Variants in TMCC3 observed in about 807,000 individuals in gnomAD.
TMCC3 encodes transmembrane and coiled-coil domain family 3.
A neutral mutation model predicts 40.2 loss-of-function variants in TMCC3; 28 were observed. The observed-to-expected ratio is 0.70, with a 90% CI of 0.52 to 0.95. The LOEUF (loss-of-function observed/expected upper bound fraction) is 0.95. TMCC3 is among the 40% of genes least tolerant of loss of function. The pLI, the probability that TMCC3 is intolerant of heterozygous loss-of-function variation, is 0.00. For synonymous variants in TMCC3, 255 were observed against 248.5 expected (o/e 1.03, Z -0.25); for missense variants, 554 against 615.2 (o/e 0.90, Z 1.05).
intron 1 of TMCC3, among the ~76,000 whole-genome samples, chr12:94,617,888 G>C (rs572143780): frequency 6.6e-6 from 1 of 152,182 alleles, no homozygotes; most frequent in Non-Finnish European, 1.5e-5. Flanking sequence ...ATATTTAAGA[G>C]GAAGAGTGTC....
At chr12:94,584,948 C>A (rs1021442361) in intron 1 of TMCC3, among the ~76,000 whole-genome samples, 2 of 152,022 alleles carry the variant, frequency 1.3e-5, no homozygotes, top group African/African-American at 2.4e-5. Context: ...AATCTAGTAT[C>A]TGTGGCTCAT....
At position 94,582,340 on chromosome 12, in the gene TMCC3, C is replaced by T. The variant is rs2068609215; in HGVS notation, c.277G>A (p.Val93Ile). 6 of 1,613,922 alleles carry T rather than the reference C, an allele frequency of 3.7e-6. No individual in the cohort carries two copies. The highest frequency in any genetic ancestry group is 1.3e-5 in the African/African-American group (1 of 74,870). ...TTCACTAGTTTCAGATACTCCGCAA[C>T]ATTCCCATCGCGCGATGTTTGCTCA... The part of the protein sequence containing the change: ...KIEQTSRDGN[V>I]AEYLKLVNNA... The change falls in exon 2 of 4, where the codon GTT (valine) becomes ATT (isoleucine). Residue 93 changes from valine to isoleucine, a missense_variant. By Grantham distance (29) the Val-to-Ile change is conservative. Transcript: ENST00000261226.
At chr12:94,573,231 C>T (rs756455668) in intron 3 of TMCC3, among the ~76,000 whole-genome samples, 1 of 152,118 alleles carries the variant, frequency 6.6e-6, no homozygotes, top group Non-Finnish European at 1.5e-5. Context: ...TCCAACCCGT[C>T]GCCCAGCCAC....
intron 1 of TMCC3, among the ~76,000 whole-genome samples, chr12:94,620,830 G>A (rs1400235158): frequency 6.6e-6 from 1 of 152,096 alleles, no homozygotes; most frequent in Non-Finnish European, 1.5e-5. Flanking sequence ...TTTCTCTAAG[G>A]CACTTTATGT....
At chr12:94,608,745 G>A (rs113361049) in intron 1 of TMCC3, among the ~76,000 whole-genome samples, 4 of 152,174 alleles carry the variant, frequency 2.6e-5, no homozygotes, top group African/African-American at 9.7e-5. Context: ...CTCAAGCAGA[G>A]CATGCCAAGG....
intron 1 of TMCC3, among the ~76,000 whole-genome samples, chr12:94,617,006 G>A (rs1390795623): frequency 6.6e-6 from 1 of 152,214 alleles, no homozygotes; most frequent in Non-Finnish European, 1.5e-5. Context: ...GCAAGAGCTG[G>A]TGAAGGCTGG....
intron 1 of TMCC3, among the ~76,000 whole-genome samples, chr12:94,593,112 G>A (rs890509354): frequency 6.6e-6 from 1 of 151,102 alleles, no homozygotes; most frequent in Non-Finnish European, 1.5e-5. Flanking sequence ...CAGGAGAATC[G>A]CTTGCACCTG....
In TMCC3 at chr12:94,581,773, C is replaced by G; in HGVS notation, c.844G>C (p.Asp282His). The change falls in exon 2 of 4, where the codon GAC becomes CAC. Residue 282 changes from aspartate (D) to histidine (H), a missense_variant. Asp to His is a moderately conservative substitution (Grantham distance 81). Transcript: ENST00000261226. ...ATCACGGCGAGCTTGCCCTGGCTGTCCAGTGTGCTGGCTCCACCAGCCCCA... is the reference window on the plus strand; with the variant it reads ...ATCACGGCGAGCTTGCCCTGGCTGTGCAGTGTGCTGGCTCCACCAGCCCCA... ...SFGAGGASTL[D>H]SQGKLAVILE... The G allele has an allele frequency of 2.5e-6, 4 of 1,614,196 alleles. No homozygotes were observed. Among genetic ancestry groups the G allele is most frequent in the Non-Finnish European group, 3.4e-6 (4 of 1,180,024 alleles).
intron 1 of TMCC3, among the ~76,000 whole-genome samples, chr12:94,633,303 A>G (rs1029336210): frequency 6.6e-6 from 1 of 152,208 alleles, no homozygotes; most frequent in African/African-American, 2.4e-5. Context: ...CTGAGGAAGC[A>G]GGAAGAGAGA....
chr12:94,601,808 C>CAAAAAAAAAAAAAAAAAAAAAAAAA (rs61372290), intron 1 of TMCC3, among the ~76,000 whole-genome samples: 1 of 76,732 alleles, frequency 1.3e-5, no homozygotes, highest in Non-Finnish European at 2.1e-5. Flanking sequence ...GACCTGGTCT[C>CAAAAAAAAAAAAAAAAAAAAAAAAA]AAAAAAAAAA....
At position 94,583,468 on chromosome 12, in the gene TMCC3, T is replaced by G. The variant is rs112241217; in HGVS notation, c.79-930A>C. Among the ~76,000 whole-genome samples the G allele has an allele frequency of 5.1e-3, 777 of 152,262 alleles. 3 individuals carry two copies. The highest frequency in any genetic ancestry group is 0.018 in the African/African-American group (731 of 41,548). On this transcript the variant is annotated intron_variant, in intron 1 of 3. Coordinates refer to ENST00000261226, the MANE Select transcript of TMCC3 (RefSeq NM_020698.4). Reference sequence around the variant, plus strand: ...GCAGTGAGCCGAGATCACACCACTGTACTCTATCTAGACTGGGCAACAGAG... The same window carrying G: ...GCAGTGAGCCGAGATCACACCACTGGACTCTATCTAGACTGGGCAACAGAG...
At chr12:94,619,042 C>G (rs1318697156) in intron 1 of TMCC3, among the ~76,000 whole-genome samples, 1 of 152,186 alleles carries the variant, frequency 6.6e-6, no homozygotes, top group Admixed American at 6.5e-5. Context: ...CAGACACTGA[C>G]GAGAGGTGCA....
intron 1 of TMCC3, among the ~76,000 whole-genome samples, chr12:94,608,206 TA>T (rs1484967475): frequency 6.6e-6 from 1 of 152,152 alleles, no homozygotes; most frequent in African/African-American, 2.4e-5. Flanking sequence ...TAAACAGAGG[TA>T]AAGTGACAAG....
chr12:94,617,498 G>T (rs1391631894), intron 1 of TMCC3, among the ~76,000 whole-genome samples: 1 of 152,152 alleles, frequency 6.6e-6, no homozygotes, highest in Non-Finnish European at 1.5e-5. Context: ...TTTTCCTCTT[G>T]CCCTTTTGTG....
At chr12:94,614,595 C>G (rs2068837133) in intron 1 of TMCC3, among the ~76,000 whole-genome samples, 1 of 152,122 alleles carries the variant, frequency 6.6e-6, no homozygotes, top group African/African-American at 2.4e-5. Context: ...GTTTTACAAG[C>G]AGCACTCTTG....
At position 94,571,647 on chromosome 12, in the gene TMCC3, T is replaced by C. The variant is rs778726204; in HGVS notation, c.1222A>G (p.Lys408Glu). The change falls in exon 4 of 4, where the codon AAA becomes GAA. Residue 408 changes from lysine to glutamate, a missense_variant. Lys to Glu is a moderately conservative substitution (Grantham distance 56). Transcript: ENST00000261226. ...TTGATGCACCTCCCCAGGAGAACTT[T>C]AGCATTCACGGTGTCTGTCTGCAGA... ...QALQTDTVNA[K>E]VLLGRCINVI... The C allele has an allele frequency of 5.0e-6, 8 of 1,614,084 alleles. No individual in the cohort carries two copies. The highest frequency in any genetic ancestry group is 4.5e-5 in the East Asian group (2 of 44,890).
At position 94,569,464 on chromosome 12, in the gene TMCC3, A is replaced by C. The variant is rs1469961520; in HGVS notation, c.*1971T>G. The C allele has an allele frequency of 6.6e-6, 1 of 152,232 alleles. No individual in the cohort carries two copies. Among genetic ancestry groups the C allele is most frequent in the African/African-American group, 2.4e-5 (1 of 41,448 alleles). The allele number at this position is 152,232 out of a possible 1,614,324, so 9.4% of individuals were successfully genotyped here. A position where few individuals can be genotyped will look rare whatever the true frequency, so the allele number is the denominator to read the frequency against. ...CCAGGGGGAGTCTGACAATGAAAGG[A>C]GAGACAGCCATGAGATCAGGGTGGG... On this transcript the variant is annotated 3_prime_UTR_variant, in exon 4 of 4. Coordinates refer to ENST00000261226, the MANE Select transcript of TMCC3 (RefSeq NM_020698.4).
intron 1 of TMCC3, among the ~76,000 whole-genome samples, chr12:94,634,037 C>G (rs1171526116): frequency 6.6e-6 from 1 of 151,896 alleles, no homozygotes; most frequent in Non-Finnish European, 1.5e-5. Context: ...CCTCCGCCTC[C>G]CGGGTTCAAA....
chr12:94,582,889 A>G (rs2068613779), intron 1 of TMCC3, among the ~76,000 whole-genome samples: 1 of 151,624 alleles, frequency 6.6e-6, no homozygotes, highest in African/African-American at 2.4e-5. Flanking sequence ...TGCCTGCCAT[A>G]CCACATTCAC....
Sources: gnomAD v4.1 joint callset for allele counts (sites outside exome capture counted in the v4.1 genomes callset) on GRCh38, gnomAD v4.1.1 for gene constraint, MANE v1.5 for transcripts, NCBI Gene and HGNC (gene_info 2026-07-23, HGNC 2026-07-21) for gene names.